KCNK3: variants seen among roughly 807,000 people sequenced by gnomAD.
KCNK3 encodes potassium channel subfamily K member 3.
Under a neutral mutation model 27.3 loss-of-function variants are expected in KCNK3, and 9 were observed. The observed-to-expected ratio is 0.33, with a 90% CI of 0.20 to 0.57. The LOEUF (loss-of-function observed/expected upper bound fraction) is 0.57. Among genes scored for constraint, KCNK3 ranks in the 20% least tolerant of loss-of-function variants. The pLI is 0.87. For synonymous variants in KCNK3, 278 were observed against 273.8 expected (o/e 1.02, Z -0.15); for missense variants, 391 against 577.7 (o/e 0.68, Z 3.31).
In KCNK3 at chr2:26,728,067, C is replaced by A; in HGVS notation, c.684C>A (p.Ile228=). ...ACGTGGCCTTCAGCTTCGTCTACAT[C>A]CTTACGGGCCTCACGGTCATCGGCG... ...PQYVAFSFVY[I]LTGLTVIGAF... The change falls in exon 2 of 2, where the codon ATC becomes ATA. Residue 228 remains isoleucine (I), a synonymous_variant. Transcript: ENST00000302909. The A allele has an allele frequency of 6.2e-7, 1 of 1,614,132 alleles. No homozygotes were observed. The highest frequency in any genetic ancestry group is 8.5e-7 in the Non-Finnish European group (1 of 1,179,982).
intron 1 of KCNK3, among the ~76,000 whole-genome samples, chr2:26,699,276 G>A (rs528290691): frequency 2.7e-5 from 4 of 146,126 alleles, no homozygotes; most frequent in South Asian, 2.2e-4. Flanking sequence ...AAAGGTACAC[G>A]GTGGTAGGAG....
chr2:26,728,059 G>A lies in KCNK3; in HGVS notation c.676G>A (p.Val226Ile). 6.2e-7 allele frequency: 1 copy of A among 1,614,116 alleles called. No homozygotes were observed. Among genetic ancestry groups the A allele is most frequent in the Non-Finnish European group, 8.5e-7 (1 of 1,179,988 alleles). The change falls in exon 2 of 2, where the codon GTC (valine) becomes ATC (isoleucine). Residue 226 changes from valine (V) to isoleucine (I), a missense_variant. Coordinates refer to ENST00000302909, the MANE Select transcript of KCNK3 (RefSeq NM_002246.3). ...TQPQYVAFSFVYILTGLTVIG... is the reference protein window; with the variant it reads ...TQPQYVAFSFIYILTGLTVIG... ...GCCGCAGTACGTGGCCTTCAGCTTC[G>A]TCTACATCCTTACGGGCCTCACGGT...
At chr2:26,724,565 G>A in intron 1 of KCNK3, 1 of 983,746 alleles carries the variant, frequency 1.0e-6, no homozygotes, top group Non-Finnish European at 1.2e-6. Flanking sequence ...TGAAGGGTAA[G>A]AACTTATTAT....
chr2:26,716,674 C>T (rs1439756499), intron 1 of KCNK3, among the ~76,000 whole-genome samples: 1 of 152,204 alleles, frequency 6.6e-6, no homozygotes, highest in African/African-American at 2.4e-5. Context: ...CCAGATCCTG[C>T]TCAAAATGTA....
Position 26,692,848 on chromosome 2 carries a change from G to C in KCNK3, c.-28G>C. The stretch of plus-strand genomic sequence containing the variant: ...GCCGAGGCGCGGGCCGGGGGCGCCG[G>C]GGGGCCGGCGGCGGCCCGGGCGGGA... On this transcript the variant is annotated 5_prime_UTR_variant, in exon 1 of 2. Transcript: ENST00000302909. The surrounding 1 kb of genome is among the most constrained non-coding windows in gnomAD (Gnocchi z 5.6). 4.2e-6 allele frequency: 5 copies of C among 1,201,908 alleles called. No homozygotes were observed. The highest frequency in any genetic ancestry group is 5.2e-6 in the Non-Finnish European group (5 of 967,906). The allele number at this position is 1,201,908 out of a possible 1,614,324, so 74.5% of individuals were successfully genotyped here.
In KCNK3 at chr2:26,727,845, G is replaced by C. The variant is rs1296891178; in HGVS notation, c.462G>C (p.Val154=). ...GGCTGGGCATGCGGCGCGCCGACGTGTCCATGGCCAACATGGTGCTCATCG... is the reference window on the plus strand; with the variant it reads ...GGCTGGGCATGCGGCGCGCCGACGTCTCCATGGCCAACATGGTGCTCATCG... ...KKGLGMRRAD[V]SMANMVLIGF... The change falls in exon 2 of 2, where the codon GTG becomes GTC. Residue 154 remains valine (V), a synonymous_variant. Transcript: ENST00000302909. The C allele has an allele frequency of 1.5e-5, 25 of 1,613,626 alleles. No homozygotes were observed. Among genetic ancestry groups the C allele is most frequent in the Non-Finnish European group, 2.1e-5 (25 of 1,179,598 alleles).
chr2:26,713,739 C>T (rs923189043), intron 1 of KCNK3, among the ~76,000 whole-genome samples: 2 of 146,822 alleles, frequency 1.4e-5, no homozygotes, highest in African/African-American at 5.1e-5. Flanking sequence ...GAGCCAAAAT[C>T]GTACCACCAG....
chr2:26,719,723 C>G (rs1326555666), intron 1 of KCNK3, among the ~76,000 whole-genome samples: 1 of 152,204 alleles, frequency 6.6e-6, no homozygotes, highest in African/African-American at 2.4e-5. Context: ...AGGTCTATTT[C>G]TCCTGGCTAC....
chr2:26,725,681 C>G (rs1663403956), intron 1 of KCNK3, among the ~76,000 whole-genome samples: 1 of 152,222 alleles, frequency 6.6e-6, no homozygotes, highest in South Asian at 2.1e-4. Context: ...AGTGGCTCTA[C>G]AGCTCAGCTG....
chr2:26,698,557 A>C (rs1364045986), intron 1 of KCNK3, among the ~76,000 whole-genome samples: 1 of 152,208 alleles, frequency 6.6e-6, no homozygotes, highest in Non-Finnish European at 1.5e-5. Flanking sequence ...ATTGTTATTA[A>C]TACTATTGTT....
chr2:26,720,257 A>G (rs566909191), intron 1 of KCNK3, among the ~76,000 whole-genome samples: 1 of 152,328 alleles, frequency 6.6e-6, no homozygotes, highest in South Asian at 2.1e-4. Flanking sequence ...TCCGTCTCAA[A>G]GAAACAAAAC....
intron 1 of KCNK3, among the ~76,000 whole-genome samples, chr2:26,706,196 G>T (rs2148259025): frequency 6.6e-6 from 1 of 152,328 alleles, no homozygotes; most frequent in African/African-American, 2.4e-5. Context: ...GGCTGAGGAA[G>T]ATCTTTGCTC....
chr2:26,723,179 G>A (rs1169531145), intron 1 of KCNK3, among the ~76,000 whole-genome samples: 1 of 152,208 alleles, frequency 6.6e-6, no homozygotes, highest in Non-Finnish European at 1.5e-5. Context: ...AGGGCTCAGA[G>A]TGGCTAGTTG....
At chr2:26,708,003 C>A (rs542828982) in intron 1 of KCNK3, among the ~76,000 whole-genome samples, 14 of 152,330 alleles carry the variant, frequency 9.2e-5, no homozygotes, top group Non-Finnish European at 1.8e-4. Flanking sequence ...TTCTAGGCCC[C>A]AGGGACTCAG....
intron 1 of KCNK3, among the ~76,000 whole-genome samples, chr2:26,722,138 A>C (rs536867856): frequency 6.6e-6 from 1 of 152,364 alleles, no homozygotes; most frequent in African/African-American, 2.4e-5. Flanking sequence ...TCGACCTTGC[A>C]CATGAACACA....
chr2:26,707,505 C>T (rs567545897), intron 1 of KCNK3, among the ~76,000 whole-genome samples: 7 of 152,360 alleles, frequency 4.6e-5, no homozygotes, highest in African/African-American at 1.7e-4. Flanking sequence ...AACATTTCAC[C>T]TTGACCAGTG....
Position 26,699,081 on chromosome 2 carries a change from G to C in KCNK3, c.283+5923G>C, listed in dbSNP as rs190974366. ...TGATCCCGGCTATGCAGGAGGCTGA[G>C]GCAGGAGAATCGCTTAAACCTGGGA... On this transcript the variant is annotated intron_variant, in intron 1 of 1. Transcript: ENST00000302909. Among the ~76,000 whole-genome samples the C allele has an allele frequency of 1.7e-4, 26 of 151,930 alleles. No homozygotes were observed. In the East Asian group the frequency reaches 5.0e-3, roughly 29 times the overall value.
intron 1 of KCNK3, chr2:26,724,682 T>C: frequency 1.1e-6 from 1 of 892,094 alleles, no homozygotes; most frequent in Non-Finnish European, 1.3e-6. Flanking sequence ...GCAGTGGCTG[T>C]GGTGGAGCAT....
At chr2:26,716,140 C>G (rs536797132) in intron 1 of KCNK3, among the ~76,000 whole-genome samples, 5 of 152,126 alleles carry the variant, frequency 3.3e-5, no homozygotes, top group Non-Finnish European at 5.9e-5. Flanking sequence ...TGAAGAGTCC[C>G]GGGGCAGCCA....
Sources: gnomAD v4.1 joint callset for allele counts (sites outside exome capture counted in the v4.1 genomes callset) on GRCh38, gnomAD v4.1.1 for gene constraint, Gnocchi (gnomAD v3.1) non-coding constraint, MANE v1.5 for transcripts, NCBI Gene and HGNC (gene_info 2026-07-23, HGNC 2026-07-21) for gene names.